The following GALNT6 variants were observed in gnomAD, a reference collection of about 807,000 sequenced individuals.
GALNT6 encodes GalNAc transferase 6.
GALNT6 carries 51 observed loss-of-function variants against 65.9 expected under a neutral mutation model. The ratio of observed to expected loss-of-function variants is 0.77; its 90% confidence interval spans 0.62 to 0.98. The LOEUF (loss-of-function observed/expected upper bound fraction) is 0.98, where lower values mean the gene tolerates loss of function less well. Among genes scored for constraint, GALNT6 ranks in the 50% least tolerant of loss-of-function variants. The pLI is 0.00. For missense variants in GALNT6, 708 were observed against 803.3 expected (o/e 0.88, Z 1.43); for synonymous variants, 323 against 315.1 (o/e 1.02, Z -0.26).
At chr12:51,365,808 G>A (rs940569532) in intron 4 of GALNT6, among the ~76,000 whole-genome samples, 1 of 152,196 alleles carries the variant, frequency 6.6e-6, no homozygotes, top group African/African-American at 2.4e-5. Context: ...GCCTCACCAG[G>A]GCTCTGGCTC....
Position 51,379,365 on chromosome 12 carries a change from C to T in GALNT6, c.417G>A (p.Lys139=). ...ETQEKEEGYK[K]HCFNAFASDR... ...CGCTGGCAAAGGCATTGAAACAGTG[C>T]TTCTTATAGCCTTCTTCCTTTTCCT... is the stretch of plus-strand genomic sequence containing the variant. The change falls in exon 3 of 12, where the codon AAG becomes AAA. Residue 139 remains lysine (K), a synonymous_variant. Coordinates refer to ENST00000356317, the MANE Select transcript of GALNT6 (RefSeq NM_007210.4). 6.4e-7 allele frequency: 1 copy of T among 1,563,042 alleles called. No individual in the cohort carries two copies. The highest frequency in any genetic ancestry group is 8.6e-7 in the Non-Finnish European group (1 of 1,158,574).
At position 51,387,272 on chromosome 12, in the gene GALNT6, A is replaced by AT. The variant is rs1253328946; in HGVS notation, c.-104+3577dup. 6.6e-6 allele frequency among the ~76,000 whole-genome samples: 1 copy of AT among 151,694 alleles called. No individual in the cohort carries two copies. The highest frequency in any genetic ancestry group is 2.4e-5 in the African/African-American group (1 of 41,270). On this transcript the variant is annotated intron_variant, in intron 2 of 11. Coordinates refer to ENST00000356317, the MANE Select transcript of GALNT6 (RefSeq NM_007210.4). The surrounding 1 kb of genome is among the most constrained non-coding windows in gnomAD (Gnocchi z 4.2). Reference sequence around the variant, plus strand: ...GCCACCACGTCCGGCTAATTTTTGTATTTTTTTAGTAGAGACAGTGTTTCG... The same window carrying AT: ...GCCACCACGTCCGGCTAATTTTTGTATTTTTTTTAGTAGAGACAGTGTTTCG...
chr12:51,388,697 C>T (rs1186474356), intron 2 of GALNT6, among the ~76,000 whole-genome samples: 1 of 152,220 alleles, frequency 6.6e-6, no homozygotes, highest in African/African-American at 2.4e-5. Context: ...GATCCTATTT[C>T]CTTCTCCTTC....
rs1487121862 is a variant in GALNT6 at position 51,357,341 on chromosome 12, C to T, written c.1602+8G>A. 6 of 1,581,890 alleles carry T rather than the reference C, an allele frequency of 3.8e-6. No homozygotes were observed. The highest frequency in any genetic ancestry group is 5.2e-6 in the Non-Finnish European group (6 of 1,150,706). ...AGGAGATGCTCCGGAGATGGGTGGG[C>T]TGCATACCTGGTTGCCGCCAAGGCC... is the stretch of plus-strand genomic sequence containing the variant. On this transcript the variant is annotated splice_region_variant and intron_variant, in intron 10 of 11. Transcript: ENST00000356317.
intron 2 of GALNT6, among the ~76,000 whole-genome samples, chr12:51,384,569 G>A (rs1484677547): frequency 6.6e-6 from 1 of 151,542 alleles, no homozygotes; most frequent in African/African-American, 2.4e-5. Flanking sequence ...GCATGTGCCT[G>A]TAATCCCAAC....
At chr12:51,367,090 CCT>C (rs1027707830) in intron 4 of GALNT6, among the ~76,000 whole-genome samples, 23 of 152,110 alleles carry the variant, frequency 1.5e-4, no homozygotes, top group African/African-American at 5.3e-4. Context: ...ATGGAGAAAC[CCT>C]GTCTCTACTG....
chr12:51,389,625 G>T (rs1309364709), intron 2 of GALNT6, among the ~76,000 whole-genome samples: 1 of 152,186 alleles, frequency 6.6e-6, no homozygotes, highest in African/African-American at 2.4e-5. Context: ...TAGTGACAGG[G>T]CTGAGTCAGC....
At chr12:51,386,859 T>C (rs1438683799) in intron 2 of GALNT6, among the ~76,000 whole-genome samples, 1 of 152,180 alleles carries the variant, frequency 6.6e-6, no homozygotes, top group South Asian at 2.1e-4. Context: ...GTACTCATAC[T>C]GTGAACAGAA....
chr12:51,366,305 C>T (rs777554618), intron 4 of GALNT6, among the ~76,000 whole-genome samples: 2 of 152,194 alleles, frequency 1.3e-5, no homozygotes, highest in African/African-American at 2.4e-5. Flanking sequence ...TGCAATTCCA[C>T]AGCTCCATTG....
rs1947582453 is a variant in GALNT6 at position 51,379,404 on chromosome 12, G to A, written c.378C>T (p.Thr126=). ...DGKAFQKSKW[T]PLETQEKEEG... The stretch of plus-strand genomic sequence containing the variant: ...CTTCCTTTTCCTGGGTCTCCAGGGG[G>A]GTCCACTTGCTCTTCTGAAATGCTT... The change falls in exon 3 of 12, where the codon ACC becomes ACT. Residue 126 remains threonine, a synonymous_variant. Transcript: ENST00000356317. The A allele has an allele frequency of 1.2e-6, 2 of 1,607,386 alleles. No homozygotes were observed. The highest frequency in any genetic ancestry group is 1.7e-6 in the Non-Finnish European group (2 of 1,176,798).
intron 2 of GALNT6, among the ~76,000 whole-genome samples, chr12:51,386,726 C>T (rs539008391): frequency 3.9e-5 from 6 of 152,196 alleles, no homozygotes; most frequent in African/African-American, 1.2e-4. Flanking sequence ...GGGGAGGGGG[C>T]AGGTTAATTT....
At position 51,379,453 on chromosome 12, in the gene GALNT6, G is replaced by C. The variant is rs1183724517; in HGVS notation, c.329C>G (p.Pro110Arg). Residue 110 changes from proline to arginine, a missense_variant, in exon 3 of 12, where the codon CCC becomes CGC. Physicochemically the swap from Pro to Arg is moderately radical, Grantham distance 103 (BLOSUM62 -2). Coordinates refer to ENST00000356317, the MANE Select transcript of GALNT6 (RefSeq NM_007210.4). ...KPFWERPPQD[P>R]NAPGADGKAF... ...TTTTCCATCTGCCCCAGGGGCATTG[G>C]GGTCCTGTGGTGGCCGTTCCCAGAA... is the stretch of plus-strand genomic sequence containing the variant. 4.3e-6 allele frequency: 7 copies of C among 1,613,830 alleles called. No individual in the cohort carries two copies. The highest frequency in any genetic ancestry group is 5.9e-6 in the Non-Finnish European group (7 of 1,179,912).
Position 51,359,190 on chromosome 12 carries a change from T to C in GALNT6, c.1310A>G (p.Asp437Gly), listed in dbSNP as rs1411764229. 1 of 1,614,218 alleles carries C rather than the reference T, an allele frequency of 6.2e-7. No individual in the cohort carries two copies. The highest frequency in any genetic ancestry group is 8.5e-7 in the Non-Finnish European group (1 of 1,180,010). ...NQVRLAEVWM[D>G]SYKKIFYRRN... ...CCTATAGAAAATCTTCTTGTAGCTGTCCATCCAGACCTCTGCCAGGCGCAC... is the reference window on the plus strand; with the variant it reads ...CCTATAGAAAATCTTCTTGTAGCTGCCCATCCAGACCTCTGCCAGGCGCAC... The change falls in exon 8 of 12, where the codon GAC becomes GGC. Residue 437 changes from aspartate to glycine, a missense_variant. Physicochemically the swap from Asp to Gly is moderately conservative, Grantham distance 94 (BLOSUM62 -1). Coordinates refer to ENST00000356317, the MANE Select transcript of GALNT6 (RefSeq NM_007210.4).
At chr12:51,366,197 C>T (rs1489289312) in intron 4 of GALNT6, among the ~76,000 whole-genome samples, 1 of 152,220 alleles carries the variant, frequency 6.6e-6, no homozygotes, top group African/African-American at 2.4e-5. Context: ...GGATTACAGG[C>T]ATGAGCCACC....
At chr12:51,366,896 G>A (rs1291946332) in intron 4 of GALNT6, among the ~76,000 whole-genome samples, 1 of 152,204 alleles carries the variant, frequency 6.6e-6, no homozygotes, top group Non-Finnish European at 1.5e-5. Flanking sequence ...GGGAGGCCAA[G>A]GCAGATGGAT....
intron 2 of GALNT6, among the ~76,000 whole-genome samples, chr12:51,383,870 T>C (rs1275305262): frequency 6.6e-6 from 1 of 152,138 alleles, no homozygotes; most frequent in Non-Finnish European, 1.5e-5. Context: ...GTGTAGGAGA[T>C]GATTCCCAGA....
rs760658379 is a variant in GALNT6 at position 51,364,347 on chromosome 12, A to G, written c.823T>C (p.Phe275Leu). The stretch of plus-strand genomic sequence containing the variant: ...AGGAGGGGCTCCAGCCAGCCGTGGA[A>G]GCACTCACCTGCAGGCCCCAACCAG... ...LTFLDAHCEC[F>L]HGWLEPLLAR... Residue 275 changes from phenylalanine (F) to leucine (L), a missense_variant, in exon 6 of 12, where the codon TTC (phenylalanine) becomes CTC (leucine). Coordinates refer to ENST00000356317, the MANE Select transcript of GALNT6 (RefSeq NM_007210.4). 6.2e-7 allele frequency: 1 copy of G among 1,613,202 alleles called. No individual in the cohort carries two copies. Among genetic ancestry groups the G allele is most frequent in the Admixed American group, 1.7e-5 (1 of 60,026 alleles).
chr12:51,371,049 T>TA (rs1456183653), intron 4 of GALNT6, among the ~76,000 whole-genome samples: 2 of 123,470 alleles, frequency 1.6e-5, no homozygotes, highest in African/African-American at 5.8e-5. Flanking sequence ...GCTAGCCTTT[T>TA]AAAAAATTAT....
chr12:51,352,977 T>C lies in GALNT6; in HGVS notation c.*1402A>G, dbSNP rs1311419082. 1 of 152,284 alleles carries C rather than the reference T, an allele frequency of 6.6e-6. No homozygotes were observed. The highest frequency in any genetic ancestry group is 6.5e-5 in the Admixed American group (1 of 15,272). 9.4% of individuals were successfully genotyped at this position (152,284 alleles called of 1,614,324 possible). The stretch of plus-strand genomic sequence containing the variant: ...ATGAGCCACCGTGCCCGGCCCTGGC[T>C]GTTTTCCTATGCTCTGTGGAGGCCA... On this transcript the variant is annotated 3_prime_UTR_variant, in exon 12 of 12. Transcript: ENST00000356317.
Sources: allele counts gnomAD v4.1 joint callset (sites outside exome capture counted in the v4.1 genomes callset), GRCh38; gene constraint gnomAD v4.1.1; non-coding constraint Gnocchi (gnomAD v3.1); transcripts MANE v1.5; gene names NCBI Gene and HGNC (gene_info 2026-07-23, HGNC 2026-07-21).